The following FGD2 variants were observed in gnomAD, a reference collection of about 807,000 sequenced individuals.
The protein encoded by FGD2 is FYVE, RhoGEF and PH domain containing 2.
A neutral mutation model predicts 75.9 loss-of-function variants in FGD2; 52 were observed. The ratio of observed to expected loss-of-function variants is 0.69; its 90% confidence interval spans 0.55 to 0.86. The LOEUF is 0.86. Among genes scored for constraint, FGD2 ranks in the 40% least tolerant of loss-of-function variants. The probability of loss-of-function intolerance (pLI) is 0.00; values close to 1 mark genes in which losing one functional copy is unlikely to be tolerated. For synonymous variants in FGD2, 347 were observed against 348.6 expected, an observed-to-expected ratio of 1.00 and a Z score of 0.05; for missense variants, 790 against 872.0, an observed-to-expected ratio of 0.91 and a Z score of 1.18.
chr6:37,016,010 C>T lies in FGD2; in HGVS notation c.1122+150C>T. 9.4e-6 allele frequency: 7 copies of T among 744,032 alleles called. No individual in the cohort carries two copies. In the South Asian group the frequency reaches 1.3e-4, roughly 14 times the overall value. The allele number at this position is 744,032 out of a possible 1,614,324, so 46.1% of individuals were successfully genotyped here. On this transcript the variant is annotated intron_variant, in intron 9 of 15. Coordinates refer to ENST00000274963, the MANE Select transcript of FGD2 (RefSeq NM_173558.4). Reference sequence around the variant, plus strand: ...TGGAGATGGAAGAGTGTGGGGCTCTCCCCTCTGGGATCCTAGCCCTCCTGC... The same window carrying T: ...TGGAGATGGAAGAGTGTGGGGCTCTTCCCTCTGGGATCCTAGCCCTCCTGC...
At position 37,012,216 on chromosome 6, in the gene FGD2, G is replaced by A. The variant is rs192097877; in HGVS notation, c.527+362G>A. Among the ~76,000 whole-genome samples, 24 of 152,250 alleles carry A rather than the reference G, an allele frequency of 1.6e-4. 1 individual carries two copies. The highest frequency in any genetic ancestry group is 1.4e-3 in the Admixed American group (21 of 15,304). On this transcript the variant is annotated intron_variant, in intron 4 of 15. Coordinates refer to ENST00000274963, the MANE Select transcript of FGD2 (RefSeq NM_173558.4). Reference sequence around the variant, plus strand: ...TCACATCAGCCTGCTGTGTGATGACGGCATCATGGTTATGCAAGAAACCCT... The same window carrying A: ...TCACATCAGCCTGCTGTGTGATGACAGCATCATGGTTATGCAAGAAACCCT...
chr6:37,008,951 G>A lies in FGD2; in HGVS notation c.186G>A (p.Gly62=), dbSNP rs149865171. 149 of 1,614,242 alleles carry A rather than the reference G, an allele frequency of 9.2e-5. 1 individual carries two copies. The African/African-American group carries it at 1.3e-3, about 14-fold the overall frequency. The change falls in exon 2 of 16, where the codon GGG becomes GGA. Residue 62 remains glycine (G), a synonymous_variant. Transcript: ENST00000274963. ...REKTNVGEAV[G]SEPRTVSRRY... is the part of the protein sequence containing the mutation. ...AGACGAATGTCGGGGAGGCCGTGGGGTCTGAGCCCAGGACAGTCAGCAGGA... is the reference window on the plus strand; with the variant it reads ...AGACGAATGTCGGGGAGGCCGTGGGATCTGAGCCCAGGACAGTCAGCAGGA...
chr6:37,028,464 A>G lies in FGD2; in HGVS notation c.*301A>G, dbSNP rs1456834672. The G allele has an allele frequency of 2.7e-6, 1 of 373,934 alleles. No individual in the cohort carries two copies. Among genetic ancestry groups the G allele is most frequent in the African/African-American group, 2.0e-5 (1 of 49,086 alleles). 23.2% of individuals were successfully genotyped at this position (373,934 alleles called of 1,614,324 possible). A position where few individuals can be genotyped will look rare whatever the true frequency, so the allele number is the denominator to read the frequency against. On this transcript the variant is annotated 3_prime_UTR_variant, in exon 16 of 16. Transcript: ENST00000274963. ...GTAACCCCGGACTGGTGGTCACCAT[A>G]GTATGGTTTTTCATTTGTATCTCCT...
chr6:37,022,324 T>G lies in FGD2; in HGVS notation c.1412T>G (p.Phe471Cys). Residue 471 changes from phenylalanine to cysteine, a missense_variant, in exon 13 of 16, where the codon TTC (phenylalanine) becomes TGC (cysteine). By Grantham distance (205) the Phe-to-Cys change is radical (BLOSUM62 -2). Coordinates refer to ENST00000274963, the MANE Select transcript of FGD2 (RefSeq NM_173558.4). ...VTMCMRCQEP[F>C]NALTRRRHHC... ...ATGTGCATGCGCTGCCAGGAGCCCT[T>G]CAACGCTCTGACGCGCCGTCGCCAC... 6.3e-7 allele frequency: 1 copy of G among 1,590,026 alleles called. No homozygotes were observed. Among genetic ancestry groups the G allele is most frequent in the Non-Finnish European group, 8.5e-7 (1 of 1,170,266 alleles).
intron 3 of FGD2, 65 bp downstream of exon 3, chr6:37,011,115 A>C: frequency 6.8e-7 from 1 of 1,478,460 alleles, no homozygotes; most frequent in Non-Finnish European, 9.4e-7. Context: ...ACCCCTTCTC[A>C]GCCTTCCCAC....
At position 37,014,109 on chromosome 6, in the gene FGD2, A is replaced by G; in HGVS notation, c.823+9A>G. The G allele has an allele frequency of 6.2e-7, 1 of 1,612,794 alleles. No homozygotes were observed. Among genetic ancestry groups the G allele is most frequent in the Non-Finnish European group, 8.5e-7 (1 of 1,179,410 alleles). On this transcript the variant is annotated intron_variant, in intron 6 of 15. Coordinates refer to ENST00000274963, the MANE Select transcript of FGD2 (RefSeq NM_173558.4). ...CCAGGCCGATGCCCAGAGTGAGGACACCCCCAGGGGTCCCAGGGGGCTGAG... is the reference window on the plus strand; with the variant it reads ...CCAGGCCGATGCCCAGAGTGAGGACGCCCCCAGGGGTCCCAGGGGGCTGAG...
chr6:37,028,240 C>CA lies in FGD2; in HGVS notation c.*78dup. 1 of 1,339,044 alleles carries CA rather than the reference C, an allele frequency of 7.5e-7. No individual in the cohort carries two copies. The highest frequency in any genetic ancestry group is 9.9e-7 in the Non-Finnish European group (1 of 1,005,634). 82.9% of individuals were successfully genotyped at this position (1,339,044 alleles called of 1,614,324 possible). On this transcript the variant is annotated 3_prime_UTR_variant, in exon 16 of 16. Transcript: ENST00000274963. ...CTGCCACAGACTGACCCTGTGGCCT[C>CA]AGTGACCCACTGCCCCAAGTGGTGC...
chr6:37,026,008 G>A (rs1765805004), intron 14 of FGD2, 70 bp downstream of exon 14: 1 of 1,578,154 alleles, frequency 6.3e-7, no homozygotes, highest in African/African-American at 1.3e-5. Flanking sequence ...CAACCATGCT[G>A]GGCTGACACT....
intron 1 of FGD2, among the ~76,000 whole-genome samples, chr6:37,007,413 C>T (rs72848055): frequency 0.076 from 11,538 of 152,270 alleles, 498 homozygotes; most frequent in Non-Finnish European, 0.1. Context: ...CCTTCCTGGC[C>T]CACCACCCCC....
intron 1 of FGD2, 127 bp downstream of exon 1, chr6:37,006,012 G>A: frequency 9.5e-7 from 1 of 1,050,646 alleles, no homozygotes; most frequent in Non-Finnish European, 1.4e-6. Context: ...GCGTTCCTCG[G>A]TCACGGATTC....
chr6:37,026,570 C>T (rs767866597), intron 14 of FGD2, among the ~76,000 whole-genome samples: 4 of 152,188 alleles, frequency 2.6e-5, no homozygotes, highest in Non-Finnish European at 4.4e-5. Flanking sequence ...AGCACAAATA[C>T]AATGTCAACC....
At chr6:37,022,045 T>C (rs1290036203) in intron 12 of FGD2, 194 bp from the exon 13 acceptor site, 1 of 720,590 alleles carries the variant, frequency 1.4e-6, no homozygotes, top group African/African-American at 1.8e-5. Context: ...TCCTCACTTA[T>C]ACAATAGGAA....
At chr6:37,027,367 C>T in intron 14 of FGD2, 62 bp from the exon 15 acceptor site, 1 of 1,552,264 alleles carries the variant, frequency 6.4e-7, no homozygotes, top group Admixed American at 1.8e-5. Flanking sequence ...GTCAAGCCCC[C>T]AGACCAACAT....
rs772611764 is a variant in FGD2, at chr6:37,014,904, G to A, written c.895G>A (p.Asp299Asn). 6 of 1,613,948 alleles carry A rather than the reference G, an allele frequency of 3.7e-6. No homozygotes were observed. The highest frequency in any genetic ancestry group is 4.2e-6 in the Non-Finnish European group (5 of 1,179,924). Residue 299 changes from aspartate (D) to asparagine (N), a missense_variant, in exon 8 of 16, where the codon GAC (aspartate) becomes AAC (asparagine). Physicochemically the swap from Asp to Asn is conservative, Grantham distance 23 (BLOSUM62 1). Coordinates refer to ENST00000274963, the MANE Select transcript of FGD2 (RefSeq NM_173558.4). ...CCCAACCCCCTAGGAGCGGCTGCAG[G>A]ACCTGTGGGAGGTGTACCAGCGCCT... ...AAITEMERLQDLWEVYQRLGL... is the reference protein window; with the variant it reads ...AAITEMERLQNLWEVYQRLGL...
intron 6 of FGD2, chr6:37,014,366 A>T: frequency 4.9e-6 from 3 of 616,538 alleles, no homozygotes; most frequent in Non-Finnish European, 8.5e-6. Flanking sequence ...ACCAAAGCCC[A>T]TGCTCCTTCC....
chr6:37,011,071 C>A, intron 3 of FGD2, 21 bp downstream of exon 3: 2 of 1,612,260 alleles, frequency 1.2e-6, no homozygotes, highest in Non-Finnish European at 1.7e-6. Flanking sequence ...AGGACACCCC[C>A]CTCTAGAGCC....
rs369599492 is a variant in FGD2 at position 37,027,595 on chromosome 6, G to C, written c.1752+20G>C. On this transcript the variant is annotated intron_variant, in intron 15 of 15. Coordinates refer to ENST00000274963, the MANE Select transcript of FGD2 (RefSeq NM_173558.4). ...CCTCAGGTAAGGCCACCACCTGCCC[G>C]CCCCCCGTCAGGCCCTGGCCTTCCC... 4 of 1,612,898 alleles carry C rather than the reference G, an allele frequency of 2.5e-6. No homozygotes were observed. Among genetic ancestry groups the C allele is most frequent in the Non-Finnish European group, 3.4e-6 (4 of 1,179,598 alleles).
rs2150787324 is a variant in FGD2 at position 37,028,577 on chromosome 6, A to G, written c.*414A>G. 1 of 144,072 alleles carries G rather than the reference A, an allele frequency of 6.9e-6. No individual in the cohort carries two copies. The highest frequency in any genetic ancestry group is 1.5e-5 in the Non-Finnish European group (1 of 67,770). 8.9% of individuals were successfully genotyped at this position (144,072 alleles called of 1,614,324 possible). A position where few individuals can be genotyped will look rare whatever the true frequency, so the allele number is the denominator to read the frequency against. On this transcript the variant is annotated 3_prime_UTR_variant, in exon 16 of 16. Transcript: ENST00000274963. Reference sequence around the variant, plus strand: ...ACAATGCCTGTACTGAAGTACCACCACCGATTTAAATGGGCTGAGTTGGGG... The same window carrying G: ...ACAATGCCTGTACTGAAGTACCACCGCCGATTTAAATGGGCTGAGTTGGGG...
intron 9 of FGD2, among the ~76,000 whole-genome samples, chr6:37,017,547 G>A (rs1035161199): frequency 7.2e-5 from 11 of 152,202 alleles, no homozygotes; most frequent in African/African-American, 2.4e-4. Context: ...AGACTATGGT[G>A]GAATTTCTGG....
Sources: gnomAD v4.1 joint callset for allele counts (sites outside exome capture counted in the v4.1 genomes callset) on GRCh38, gnomAD v4.1.1 for gene constraint, MANE v1.5 for transcripts, NCBI Gene and HGNC (gene_info 2026-07-23, HGNC 2026-07-21) for gene names.